Variants in DCC observed in about 807,000 individuals in gnomAD.
DCC encodes DCC netrin 1 receptor.
Under a neutral mutation model 172.5 loss-of-function variants are expected in DCC, and 58 were observed. That is an observed-to-expected ratio of 0.34 (90% CI 0.27 to 0.42). DCC has a LOEUF of 0.42. Among genes scored for constraint, DCC ranks in the 10% least tolerant of loss-of-function variants. DCC has a pLI of 1.00. For synonymous variants in DCC, 709 were observed against 644.5 expected (o/e 1.10, Z -1.52); for missense variants, 1,740 against 1,791.0 (o/e 0.97, Z 0.51).
intron 5 of DCC, among the ~76,000 whole-genome samples, chr18:52,948,289 T>C (rs1408850634): frequency 1.3e-5 from 2 of 149,462 alleles, no homozygotes; most frequent in Admixed American, 1.4e-4. Flanking sequence ...AAGTTTCTTA[T>C]CCATAATTCT....
chr18:52,741,631 TG>T (rs2036823596), intron 1 of DCC, among the ~76,000 whole-genome samples: 1 of 152,174 alleles, frequency 6.6e-6, no homozygotes, highest in Non-Finnish European at 1.5e-5. Context: ...CTCTCCTTAT[TG>T]AAACTCTTCT....
chr18:52,538,974 G>C (rs1041161603), intron 1 of DCC, among the ~76,000 whole-genome samples: 1 of 152,180 alleles, frequency 6.6e-6, no homozygotes, highest in Non-Finnish European at 1.5e-5. Flanking sequence ...CTGGTCTGAG[G>C]CTGATAGACA....
At chr18:52,557,141 C>T (rs1037166766) in intron 1 of DCC, among the ~76,000 whole-genome samples, 2 of 152,132 alleles carry the variant, frequency 1.3e-5, no homozygotes, top group African/African-American at 4.8e-5. Context: ...CGCCCCATTT[C>T]TTAGAAAAGC....
At chr18:52,970,706 C>G (rs528403169) in intron 5 of DCC, among the ~76,000 whole-genome samples, 1 of 152,148 alleles carries the variant, frequency 6.6e-6, no homozygotes, top group African/African-American at 2.4e-5. Flanking sequence ...GAGGTACTTG[C>G]CATTCATAAA....
At position 53,438,363 on chromosome 18, in the gene DCC, C is replaced by T. The variant is rs572302266; in HGVS notation, c.3229+3154C>T. 3.3e-5 allele frequency among the ~76,000 whole-genome samples: 5 copies of T among 152,292 alleles called. No individual in the cohort carries two copies. In the South Asian group the frequency reaches 1.0e-3, roughly 32 times the overall value. Reference sequence around the variant, plus strand: ...TAAGCCACAGACACAAAACTATGTACTCTCTTAAACTGCATGTCCAAAAGG... The same window carrying T: ...TAAGCCACAGACACAAAACTATGTATTCTCTTAAACTGCATGTCCAAAAGG... On this transcript the variant is annotated intron_variant, in intron 22 of 28. Transcript: ENST00000442544.
chr18:52,491,529 A>G (rs2030501857), intron 1 of DCC, among the ~76,000 whole-genome samples: 1 of 152,098 alleles, frequency 6.6e-6, no homozygotes, highest in Non-Finnish European at 1.5e-5. Flanking sequence ...AAGTTTTTAA[A>G]AAATAGATTT....
intron 1 of DCC, among the ~76,000 whole-genome samples, chr18:52,463,656 A>C (rs533394331): frequency 6.6e-6 from 1 of 152,298 alleles, no homozygotes; most frequent in South Asian, 2.1e-4. Flanking sequence ...TCATGGTCTT[A>C]GGTGGAGGTA....
intron 1 of DCC, among the ~76,000 whole-genome samples, chr18:52,416,803 C>CGATG (rs1568160338): frequency 6.6e-6 from 1 of 151,942 alleles, no homozygotes; most frequent in African/African-American, 2.4e-5. Context: ...ATACAGCACA[C>CGATG]GATGGGTCTT....
At chr18:52,557,469 T>C (rs2144733642) in intron 1 of DCC, among the ~76,000 whole-genome samples, 1 of 152,292 alleles carries the variant, frequency 6.6e-6, no homozygotes, top group Non-Finnish European at 1.5e-5. Flanking sequence ...TTCTGATCCT[T>C]GGGGTTGTTA....
At chr18:52,729,191 G>T (rs1443688411) in intron 1 of DCC, among the ~76,000 whole-genome samples, 1 of 152,220 alleles carries the variant, frequency 6.6e-6, no homozygotes, top group African/African-American at 2.4e-5. Flanking sequence ...CGCTTGCTTT[G>T]TGATTATGCC....
chr18:52,697,537 TA>T (rs1054093970), intron 1 of DCC, among the ~76,000 whole-genome samples: 1 of 152,158 alleles, frequency 6.6e-6, no homozygotes, highest in African/African-American at 2.4e-5. Flanking sequence ...AAATAGTCAT[TA>T]AAAAGTATAA....
At chr18:53,287,344 A>G (rs1245842209) in intron 12 of DCC, among the ~76,000 whole-genome samples, 1 of 152,190 alleles carries the variant, frequency 6.6e-6, no homozygotes, top group Non-Finnish European at 1.5e-5. Flanking sequence ...TTAATATTCC[A>G]TTGTATGGAT....
At chr18:52,741,205 A>G (rs2036817500) in intron 1 of DCC, among the ~76,000 whole-genome samples, 1 of 152,072 alleles carries the variant, frequency 6.6e-6, no homozygotes, top group South Asian at 2.1e-4. Context: ...TCAAAACCCT[A>G]TTGACTCTAT....
chr18:53,053,407 C>T (rs1167200209), intron 5 of DCC, among the ~76,000 whole-genome samples: 2 of 151,996 alleles, frequency 1.3e-5, no homozygotes, highest in African/African-American at 4.8e-5. Flanking sequence ...TCTTTGACTG[C>T]TGTGGGTGAT....
At chr18:52,716,386 A>G (rs2036384337) in intron 1 of DCC, among the ~76,000 whole-genome samples, 1 of 152,204 alleles carries the variant, frequency 6.6e-6, no homozygotes, top group Non-Finnish European at 1.5e-5. Flanking sequence ...AGTAAAGGGA[A>G]GAGGAGGGCC....
chr18:52,586,119 G>T (rs920439583), intron 1 of DCC, among the ~76,000 whole-genome samples: 17 of 144,044 alleles, frequency 1.2e-4, no homozygotes, highest in African/African-American at 3.8e-4. Context: ...CAAAAACACT[G>T]TCACACCTAG....
chr18:52,555,874 G>T (rs141992291), intron 1 of DCC, among the ~76,000 whole-genome samples: 60 of 152,064 alleles, frequency 3.9e-4, no homozygotes, highest in African/African-American at 1.4e-3. Context: ...TCTTCAAATT[G>T]ATGTAATATA....
chr18:52,921,494 T>C (rs2040124307), intron 3 of DCC, among the ~76,000 whole-genome samples: 1 of 151,806 alleles, frequency 6.6e-6, no homozygotes, highest in Non-Finnish European at 1.5e-5. Context: ...AGATGAGGAG[T>C]TCGAGACCAG....
intron 15 of DCC, among the ~76,000 whole-genome samples, chr18:53,383,021 T>C (rs954361164): frequency 6.6e-6 from 1 of 152,104 alleles, no homozygotes; most frequent in African/African-American, 2.4e-5. Context: ...GCAACAAATG[T>C]GTAATTTAAT....
Sources: allele counts gnomAD v4.1 joint callset (sites outside exome capture counted in the v4.1 genomes callset), GRCh38; gene constraint gnomAD v4.1.1; transcripts MANE v1.5; gene names NCBI Gene and HGNC (gene_info 2026-07-23, HGNC 2026-07-21).